XPO4: variants seen among roughly 807,000 people sequenced by gnomAD.
XPO4 encodes exportin-4.
A neutral mutation model predicts 143.0 loss-of-function variants in XPO4; 39 were observed. The ratio of observed to expected loss-of-function variants is 0.27; its 90% CI spans 0.21 to 0.36. The LOEUF (loss-of-function observed/expected upper bound fraction) is 0.36, where lower values mean the gene tolerates loss of function less well. Among genes scored for constraint, XPO4 ranks in the 10% least tolerant of loss-of-function variants. The pLI, the probability that XPO4 is intolerant of heterozygous loss-of-function variation, is 1.00. For synonymous variants in XPO4, 439 were observed against 474.0 expected (o/e 0.93, Z 0.96); for missense variants, 907 against 1,348.0 (o/e 0.67, Z 5.12).
chr13:20,842,640 C>T lies in XPO4; in HGVS notation c.727+255G>A, dbSNP rs184781017. The stretch of plus-strand genomic sequence containing the variant: ...AATAATGCTAATCCTGAATTAGCAA[C>T]AGCTCCGTCATCCACCACGTTTCTA... On this transcript the variant is annotated intron_variant, in intron 6 of 22. Coordinates refer to ENST00000255305, the MANE Select transcript of XPO4 (RefSeq NM_022459.5). Among the ~76,000 whole-genome samples the T allele has an allele frequency of 4.5e-3, 692 of 152,330 alleles. 4 individuals are homozygous for T. Among genetic ancestry groups the T allele is most frequent in the Non-Finnish European group, 6.7e-3 (455 of 68,024 alleles).
intron 1 of XPO4, among the ~76,000 whole-genome samples, chr13:20,883,190 G>A (rs773949093): frequency 6.6e-6 from 1 of 152,136 alleles, no homozygotes; most frequent in Non-Finnish European, 1.5e-5. Flanking sequence ...AGTTATCTTC[G>A]TTAACTCTCT....
intron 22 of XPO4, among the ~76,000 whole-genome samples, chr13:20,785,883 A>G: frequency 3.1e-5 from 3 of 97,938 alleles, no homozygotes; most frequent in Non-Finnish European, 6.5e-5. Context: ...GGAGGGAGGG[A>G]GGGAGAAAGA....
intron 3 of XPO4, chr13:20,857,920 AAG>A (rs1162140277): frequency 4.1e-6 from 4 of 985,204 alleles, no homozygotes; most frequent in Admixed American, 6.1e-5. Context: ...AAAAATAAAA[AAG>A]AAAAAATTCT....
chr13:20,824,112 T>C (rs1253709334), intron 7 of XPO4, among the ~76,000 whole-genome samples: 1 of 152,246 alleles, frequency 6.6e-6, no homozygotes, highest in African/African-American at 2.4e-5. Flanking sequence ...ATACAAAAAA[T>C]GTCTGCAAAT....
intron 3 of XPO4, chr13:20,857,044 G>A (rs570410761): frequency 5.3e-5 from 14 of 261,682 alleles, no homozygotes; most frequent in East Asian, 5.3e-4. Flanking sequence ...TCTCCCTATC[G>A]TCAAGACTGA....
chr13:20,861,177 T>C (rs1460637605), intron 3 of XPO4, among the ~76,000 whole-genome samples: 3 of 152,286 alleles, frequency 2.0e-5, no homozygotes, highest in Non-Finnish European at 2.9e-5. Flanking sequence ...AAGTATTCAA[T>C]TGCACAAACA....
intron 1 of XPO4, among the ~76,000 whole-genome samples, chr13:20,886,432 T>C (rs907115147): frequency 1.3e-5 from 2 of 150,260 alleles, no homozygotes; most frequent in Non-Finnish European, 3.0e-5. Flanking sequence ...GCCAATATGG[T>C]AAAACCCTGT....
chr13:20,843,146 A>G, intron 5 of XPO4, 98 bp from the exon 6 acceptor site: 1 of 1,181,454 alleles, frequency 8.5e-7, no homozygotes, highest in East Asian at 2.6e-5. Context: ...TAAAATTTCC[A>G]ATGGAAAACA....
chr13:20,823,183 T>C (rs2059741359), intron 7 of XPO4, among the ~76,000 whole-genome samples: 1 of 152,208 alleles, frequency 6.6e-6, no homozygotes, highest in South Asian at 2.1e-4. Context: ...AACTAGCCCT[T>C]TTCTTTCCCA....
intron 22 of XPO4, 91 bp from the exon 23 acceptor site, chr13:20,784,010 G>C: frequency 7.9e-7 from 1 of 1,262,844 alleles, no homozygotes. Context: ...GTTCTAAAAG[G>C]CAGGGACACA....
intron 3 of XPO4, chr13:20,857,045 T>C (rs2060151387): frequency 3.8e-6 from 1 of 261,114 alleles, no homozygotes. Flanking sequence ...CTCCCTATCG[T>C]CAAGACTGAA....
In XPO4 at chr13:20,782,547, G is replaced by A. The variant is rs528392080; in HGVS notation, c.*1175C>T. On this transcript the variant is annotated 3_prime_UTR_variant, in exon 23 of 23. Transcript: ENST00000255305. ...ATTATTGCCCCTAATGCCCCAACGT[G>A]CAATAGTCTGTGTGAATCAGTGATT... is the stretch of plus-strand genomic sequence containing the variant. The A allele has an allele frequency of 6.5e-6, 1 of 152,688 alleles. No homozygotes were observed. The highest frequency in any genetic ancestry group is 2.1e-4 in the South Asian group (1 of 4,832). The allele number at this position is 152,688 out of a possible 1,614,324, so 9.5% of individuals were successfully genotyped here.
At chr13:20,848,376 T>C (rs1390435596) in intron 4 of XPO4, 12 of 985,422 alleles carry the variant, frequency 1.2e-5, no homozygotes, top group Non-Finnish European at 1.4e-5. Context: ...AAGCCCTTCA[T>C]GTACCTTGAC....
At chr13:20,814,109 C>T (rs1407957918) in intron 9 of XPO4, among the ~76,000 whole-genome samples, 1 of 148,856 alleles carries the variant, frequency 6.7e-6, no homozygotes, top group Non-Finnish European at 1.5e-5. Context: ...TAAGTCTTAA[C>T]AGTTTATCTT....
intron 6 of XPO4, among the ~76,000 whole-genome samples, chr13:20,839,469 G>A (rs183374392): frequency 9.2e-5 from 14 of 152,204 alleles, no homozygotes; most frequent in Non-Finnish European, 1.5e-4. Flanking sequence ...ACAACTCTAT[G>A]AATATATTAA....
At chr13:20,897,420 T>G (rs1353140538) in intron 1 of XPO4, among the ~76,000 whole-genome samples, 3 of 152,192 alleles carry the variant, frequency 2.0e-5, no homozygotes, top group Non-Finnish European at 4.4e-5. Context: ...TCTAATCTAT[T>G]TTTCATGATT....
chr13:20,783,925 G>A lies in XPO4; in HGVS notation c.3259-6C>T. The A allele has an allele frequency of 6.2e-7, 1 of 1,613,734 alleles. No individual in the cohort carries two copies. The highest frequency in any genetic ancestry group is 8.5e-7 in the Non-Finnish European group (1 of 1,179,704). ...ACCAGTTCAGAATATTCAGCCTATT[G>A]AAGAGATAAAGTATACACAAGTATC... On this transcript the variant is annotated splice_polypyrimidine_tract_variant and splice_region_variant and intron_variant, in intron 22 of 22. Coordinates refer to ENST00000255305, the MANE Select transcript of XPO4 (RefSeq NM_022459.5).
At chr13:20,857,326 C>T (rs1421168788) in intron 3 of XPO4, among the ~76,000 whole-genome samples, 1 of 152,164 alleles carries the variant, frequency 6.6e-6, no homozygotes, top group African/African-American at 2.4e-5. Flanking sequence ...ATAATAGCTA[C>T]CATTTATTGA....
At chr13:20,889,604 G>T (rs1443494993) in intron 1 of XPO4, among the ~76,000 whole-genome samples, 1 of 152,070 alleles carries the variant, frequency 6.6e-6, no homozygotes, top group Non-Finnish European at 1.5e-5. Context: ...GAGAAATCCT[G>T]CCCTAAATGA....
Sources: gnomAD v4.1 joint callset for allele counts (sites outside exome capture counted in the v4.1 genomes callset) on GRCh38, gnomAD v4.1.1 for gene constraint, MANE v1.5 for transcripts, NCBI Gene and HGNC (gene_info 2026-07-23, HGNC 2026-07-21) for gene names.